The following SYTL2 variants were observed in gnomAD, a reference collection of about 807,000 sequenced individuals.
SYTL2 encodes synaptotagmin like 2, also known as synaptotagmin-like protein 2.
Under a neutral mutation model 198.7 loss-of-function variants are expected in SYTL2, and 165 were observed. The ratio of observed to expected loss-of-function variants is 0.83; its 90% confidence interval spans 0.73 to 0.94. The LOEUF (loss-of-function observed/expected upper bound fraction) is 0.94. SYTL2 is among the 40% of genes least tolerant of loss of function. The probability of loss-of-function intolerance (pLI) is 0.00; values close to 1 mark genes in which losing one functional copy is unlikely to be tolerated. For synonymous variants in SYTL2, 966 were observed against 917.7 expected (o/e 1.05, Z -0.95); for missense variants, 2,835 against 2,582.8 (o/e 1.10, Z -2.12).
the SYTL2 span, among the ~76,000 whole-genome samples, chr11:85,830,810 T>A: frequency 6.6e-6 from 1 of 152,178 alleles, no homozygotes; most frequent in Non-Finnish European, 1.5e-5. Flanking sequence ...TAACACATTT[T>A]TAAATTAACA....
At chr11:85,818,293 G>T in the SYTL2 span, among the ~76,000 whole-genome samples, 1 of 151,908 alleles carries the variant, frequency 6.6e-6, no homozygotes, top group African/African-American at 2.4e-5. Flanking sequence ...TACATCCCTT[G>T]TTTATTAAAT....
intron 11 of SYTL2, among the ~76,000 whole-genome samples, chr11:85,716,119 TAGG>T (rs902848107): frequency 6.6e-6 from 1 of 152,130 alleles, no homozygotes; most frequent in African/African-American, 2.4e-5. Flanking sequence ...CTAAGCCAAT[TAGG>T]AGATCATGAA....
intron 1 of SYTL2, among the ~76,000 whole-genome samples, chr11:85,779,723 A>T (rs552870383): frequency 6.6e-6 from 1 of 152,228 alleles, no homozygotes; most frequent in East Asian, 1.9e-4. Context: ...AACAATCTTC[A>T]GTTTCAGAAG....
chr11:85,841,059 A>C, the SYTL2 span, among the ~76,000 whole-genome samples: 1 of 152,210 alleles, frequency 6.6e-6, no homozygotes. Flanking sequence ...GAAGACAGAC[A>C]TGTGGCCAAT....
intron 14 of SYTL2, 94 bp from the exon 15 acceptor site, chr11:85,707,625 A>G (rs2085410193): frequency 1.2e-6 from 1 of 820,560 alleles, no homozygotes; most frequent in African/African-American, 1.7e-5. Flanking sequence ...GACAGCAGAA[A>G]TAATTATTTC....
chr11:85,843,632 G>A, the SYTL2 span, among the ~76,000 whole-genome samples: 2 of 152,076 alleles, frequency 1.3e-5, no homozygotes, highest in African/African-American at 4.8e-5. Flanking sequence ...CTAACTAGGT[G>A]GAGAAAGCCC....
At position 85,696,303 on chromosome 11, in the gene SYTL2, T is replaced by C. The variant is rs757282695; in HGVS notation, c.6454A>G (p.Met2152Val). 3 of 1,613,810 alleles carry C rather than the reference T, an allele frequency of 1.9e-6. No homozygotes were observed. The highest frequency in any genetic ancestry group is 1.1e-5 in the South Asian group (1 of 91,066). Residue 2152 changes from methionine (M) to valine (V), a missense_variant, in exon 19 of 20, where the codon ATG becomes GTG. Physicochemically the swap from Met to Val is conservative, Grantham distance 21. This residue lies in a region of SYTL2 where 185 missense variants were observed against 182.1 expected (regional missense o/e 1.02). Transcript: ENST00000359152. Reference protein sequence around the residue: ...KTTNPIFNHTMVYDGFRPEDL... With the variant: ...KTTNPIFNHTVVYDGFRPEDL... ...TCAGGCCTGAACCCATCATACACCA[T>C]AGTGTGGTTGAAGATAGGGTTGGTG...
the SYTL2 span, among the ~76,000 whole-genome samples, chr11:85,833,138 GGAAGGAAGGAAGGAAGGAAAGAAA>G: frequency 1.1e-3 from 99 of 90,402 alleles, 9 homozygotes; most frequent in African/African-American, 2.8e-3. Flanking sequence ...AAGGAAGGAA[GGAAGGAAGGAAGGAAGGAAAGAAA>G]GAAAGAAAGA....
At chr11:85,760,879 T>C (rs1211027699) in intron 1 of SYTL2, among the ~76,000 whole-genome samples, 1 of 152,210 alleles carries the variant, frequency 6.6e-6, no homozygotes, top group Non-Finnish European at 1.5e-5. Context: ...GCTGGAACCC[T>C]TCCCTTTTAA....
At chr11:85,802,220 CTTTT>C (rs5793172) in intron 1 of SYTL2, among the ~76,000 whole-genome samples, 5 of 122,572 alleles carry the variant, frequency 4.1e-5, no homozygotes, top group African/African-American at 6.1e-5. Context: ...TTTTTCTTTT[CTTTT>C]TTTTTTTTTT....
At chr11:85,748,549 C>T (rs1166979480) in intron 2 of SYTL2, 126 bp from the exon 3 acceptor site, 2 of 1,031,658 alleles carry the variant, frequency 1.9e-6, no homozygotes, top group Non-Finnish European at 2.8e-6. Flanking sequence ...CAGATGATCC[C>T]AGAAACTTCC....
At chr11:85,749,435 G>C (rs1441676969) in intron 2 of SYTL2, among the ~76,000 whole-genome samples, 1 of 152,192 alleles carries the variant, frequency 6.6e-6, no homozygotes, top group East Asian at 1.9e-4. Context: ...TTCAGGCAGA[G>C]AATGTGAATG....
At chr11:85,816,367 G>GA in the SYTL2 span, among the ~76,000 whole-genome samples, 3 of 152,024 alleles carry the variant, frequency 2.0e-5, no homozygotes, top group Middle Eastern at 3.4e-3. Flanking sequence ...TTTGTTTAAT[G>GA]AAAAAAACAA....
intron 2 of SYTL2, among the ~76,000 whole-genome samples, chr11:85,755,115 A>G (rs912999935): frequency 2.7e-4 from 41 of 152,230 alleles, no homozygotes; most frequent in African/African-American, 9.9e-4. Flanking sequence ...GACAAACAAA[A>G]GCCCATGGAG....
chr11:85,835,605 T>C, the SYTL2 span, among the ~76,000 whole-genome samples: 1 of 152,232 alleles, frequency 6.6e-6, no homozygotes, highest in African/African-American at 2.4e-5. Flanking sequence ...TACTCAGATA[T>C]ATCCAATAAT....
chr11:85,755,982 C>A (rs2091845384), intron 2 of SYTL2, among the ~76,000 whole-genome samples: 1 of 152,070 alleles, frequency 6.6e-6, no homozygotes, highest in African/African-American at 2.4e-5. Flanking sequence ...CCAATCTTTT[C>A]TTTTGGGAGG....
At chr11:85,793,246 C>T (rs2092757249) in intron 1 of SYTL2, among the ~76,000 whole-genome samples, 2 of 151,756 alleles carry the variant, frequency 1.3e-5, no homozygotes, top group African/African-American at 4.9e-5. Context: ...GTCCCACCAA[C>T]AGTGTAGAAG....
the SYTL2 span, among the ~76,000 whole-genome samples, chr11:85,824,309 G>A: frequency 6.6e-6 from 1 of 152,176 alleles, no homozygotes; most frequent in African/African-American, 2.4e-5. Flanking sequence ...TGCAGGATGG[G>A]TATTACTGAC....
intron 1 of SYTL2, among the ~76,000 whole-genome samples, chr11:85,771,808 C>A (rs1216235890): frequency 6.6e-6 from 1 of 152,148 alleles, no homozygotes; most frequent in African/African-American, 2.4e-5. Flanking sequence ...CTAACCACTG[C>A]CTACCCTCTT....
Sources: allele counts gnomAD v4.1 joint callset (sites outside exome capture counted in the v4.1 genomes callset), GRCh38; gene constraint gnomAD v4.1.1; regional missense constraint gnomAD v4.1.1; transcripts MANE v1.5; gene names NCBI Gene and HGNC (gene_info 2026-07-23, HGNC 2026-07-21).